Variants in COL22A1 observed in about 807,000 individuals in gnomAD.
COL22A1 encodes collagen type XXII alpha 1 chain, also known as collagen alpha-1(XXII) chain.
COL22A1 carries 221 observed loss-of-function variants against 248.9 expected under a neutral mutation model. The observed-to-expected ratio is 0.89, with a 90% CI of 0.80 to 0.99. The LOEUF is 0.99. COL22A1 is among the 50% of genes least tolerant of loss of function. The probability of loss-of-function intolerance (pLI) is 0.00; values close to 1 mark genes in which losing one functional copy is unlikely to be tolerated. For missense variants in COL22A1, 2,240 were observed against 2,179.0 expected (o/e 1.03, Z -0.56); for synonymous variants, 891 against 793.4 (o/e 1.12, Z -2.07).
intron 45 of COL22A1, among the ~76,000 whole-genome samples, chr8:138,654,825 A>T (rs928833845): frequency 2.6e-5 from 4 of 151,794 alleles, no homozygotes; most frequent in African/African-American, 9.7e-5. Flanking sequence ...GTTATGTTCA[A>T]CCTCTCAGGA....
At chr8:138,790,436 G>A (rs1188979629) in intron 12 of COL22A1, among the ~76,000 whole-genome samples, 1 of 152,164 alleles carries the variant, frequency 6.6e-6, no homozygotes, top group Non-Finnish European at 1.5e-5. Context: ...CCCCTGATAT[G>A]CAGAAGTGTC....
In COL22A1 at chr8:138,759,886, T is replaced by C. The variant is rs576546921; in HGVS notation, c.1902+357A>G. ...AGAAAAGGAAAAAGTTTTTGTAAGA[T>C]TTTTTAATATTTATTTATAGCCTTC... On this transcript the variant is annotated intron_variant, in intron 18 of 64. Transcript: ENST00000303045. Among the ~76,000 whole-genome samples, 5 of 152,230 alleles carry C rather than the reference T, an allele frequency of 3.3e-5. No individual in the cohort carries two copies. The East Asian group carries it at 5.8e-4, about 18-fold the overall frequency.
chr8:138,635,130 C>A, intron 48 of COL22A1, 67 bp from the exon 49 acceptor site: 2 of 1,336,618 alleles, frequency 1.5e-6, no homozygotes, highest in South Asian at 1.3e-5. Flanking sequence ...GTGCAAATAT[C>A]AAATTTCAGA....
At position 138,779,500 on chromosome 8, in the gene COL22A1, A is replaced by AAC; in HGVS notation, c.1704+7_1704+8dup. 6.2e-7 allele frequency: 1 copy of AAC among 1,607,894 alleles called. No individual in the cohort carries two copies. Among genetic ancestry groups the AAC allele is most frequent in the South Asian group, 1.1e-5 (1 of 90,976 alleles). On this transcript the variant is annotated intron_variant, in intron 14 of 64. Transcript: ENST00000303045. Reference sequence around the variant, plus strand: ...GCATCAGAAGGGCCCAGCTCACAGCAACACTCACCCGCATGCCGACCTCAC... The same window carrying AAC: ...GCATCAGAAGGGCCCAGCTCACAGCAACACACTCACCCGCATGCCGACCTCAC...
At chr8:138,670,245 A>G (rs747859625) in intron 41 of COL22A1, among the ~76,000 whole-genome samples, 1 of 152,182 alleles carries the variant, frequency 6.6e-6, no homozygotes, top group Non-Finnish European at 1.5e-5. Context: ...TCCTGGTTAT[A>G]CATGAAGCAA....
chr8:138,833,051 A>T lies in COL22A1; in HGVS notation c.833T>A (p.Val278Glu). ...AGTGGCCACTCACTCAGTACTTTGC[A>T]CCACAGGGAAGGATCCCATCCGTAC... ...SYVRMGSFPVVQSTEDVFPQG... is the reference protein window; with the variant it reads ...SYVRMGSFPVEQSTEDVFPQG... Residue 278 changes from valine to glutamate, a missense_variant, in exon 5 of 65, where the codon GTG becomes GAG. Transcript: ENST00000303045. The T allele has an allele frequency of 1.2e-6, 2 of 1,610,996 alleles. No homozygotes were observed. The highest frequency in any genetic ancestry group is 1.7e-6 in the Non-Finnish European group (2 of 1,177,176).
chr8:138,816,119 A>G (rs1818667319), intron 7 of COL22A1, among the ~76,000 whole-genome samples: 1 of 152,214 alleles, frequency 6.6e-6, no homozygotes, highest in South Asian at 2.1e-4. Flanking sequence ...ATTATCAAAC[A>G]TACTCGCAGC....
chr8:138,885,477 C>T (rs1162097134), intron 1 of COL22A1, among the ~76,000 whole-genome samples: 2 of 152,326 alleles, frequency 1.3e-5, no homozygotes, highest in African/African-American at 2.4e-5. Flanking sequence ...CACCTGCAAC[C>T]CCTTAGTCCC....
chr8:138,745,231 G>A (rs1393028173), intron 22 of COL22A1, among the ~76,000 whole-genome samples: 2 of 150,690 alleles, frequency 1.3e-5, no homozygotes, highest in African/African-American at 2.5e-5. Flanking sequence ...GAAAGATGAT[G>A]TCTAGGCGAT....
At chr8:138,678,901 T>G (rs1203662842) in intron 40 of COL22A1, among the ~76,000 whole-genome samples, 1 of 152,202 alleles carries the variant, frequency 6.6e-6, no homozygotes, top group East Asian at 1.9e-4. Flanking sequence ...TATGGTTGCA[T>G]TATTATCACT....
intron 60 of COL22A1, among the ~76,000 whole-genome samples, chr8:138,599,782 AC>A (rs1339822034): frequency 6.6e-6 from 1 of 152,230 alleles, no homozygotes; most frequent in Non-Finnish European, 1.5e-5. Flanking sequence ...ACAGAAAGCC[AC>A]CAGCCCATGG....
chr8:138,654,004 C>G (rs1377057401), intron 45 of COL22A1, among the ~76,000 whole-genome samples: 1 of 152,210 alleles, frequency 6.6e-6, no homozygotes, highest in Non-Finnish European at 1.5e-5. Context: ...TCCAGCTGCT[C>G]TGATGAGCAC....
chr8:138,755,635 C>A lies in COL22A1; in HGVS notation c.1948-124G>T, dbSNP rs1036773235. ...TGTCATGTCGTGCCTCCTGACTTTT[C>A]TCTGATTCTGCCCCATTTTTAGTGT... On this transcript the variant is annotated intron_variant, in intron 19 of 64. Transcript: ENST00000303045. 3 of 1,351,984 alleles carry A rather than the reference C, an allele frequency of 2.2e-6. No homozygotes were observed. The Admixed American group carries it at 5.1e-5, about 23-fold the overall frequency. 83.7% of individuals were successfully genotyped at this position (1,351,984 alleles called of 1,614,324 possible).
At chr8:138,786,722 A>G (rs1328569863) in intron 12 of COL22A1, among the ~76,000 whole-genome samples, 3 of 152,118 alleles carry the variant, frequency 2.0e-5, no homozygotes, top group Non-Finnish European at 4.4e-5. Context: ...CGGCCAACAC[A>G]GTGAAACCCT....
At chr8:138,738,060 C>T (rs746319275) in intron 22 of COL22A1, among the ~76,000 whole-genome samples, 1 of 152,272 alleles carries the variant, frequency 6.6e-6, no homozygotes, top group African/African-American at 2.4e-5. Flanking sequence ...TTAAACTTTG[C>T]TTCTTTGTTT....
chr8:138,857,328 A>C (rs150247769), intron 3 of COL22A1, among the ~76,000 whole-genome samples: 1 of 152,214 alleles, frequency 6.6e-6, no homozygotes, highest in African/African-American at 2.4e-5. Context: ...GAAGATGGAC[A>C]TGAGGATGGG....
chr8:138,724,761 G>T, intron 24 of COL22A1, 93 bp from the exon 25 acceptor site: 1 of 1,297,254 alleles, frequency 7.7e-7, no homozygotes, highest in Non-Finnish European at 1.1e-6. Flanking sequence ...CCAGGCCTCT[G>T]GGTCTGAGGA....
intron 1 of COL22A1, among the ~76,000 whole-genome samples, chr8:138,895,084 GA>G (rs113397430): frequency 2.0e-5 from 3 of 146,836 alleles, no homozygotes; most frequent in East Asian, 2.0e-4. Flanking sequence ...GAAAAGAAAA[GA>G]AAAAAAAACA....
chr8:138,595,593 C>A (rs570494428), intron 62 of COL22A1, among the ~76,000 whole-genome samples: 1 of 152,100 alleles, frequency 6.6e-6, no homozygotes, highest in Non-Finnish European at 1.5e-5. Context: ...CACTCCTTAA[C>A]GTGTGCTTCA....
Sources: allele counts gnomAD v4.1 joint callset (sites outside exome capture counted in the v4.1 genomes callset), GRCh38; gene constraint gnomAD v4.1.1; transcripts MANE v1.5; gene names NCBI Gene and HGNC (gene_info 2026-07-23, HGNC 2026-07-21).